RIT2: variants seen among roughly 807,000 people sequenced by gnomAD.
The protein encoded by RIT2 is GTP-binding protein Rit2.
A neutral mutation model predicts 23.7 loss-of-function variants in RIT2; 24 were observed. The ratio of observed to expected loss-of-function variants is 1.01; its 90% confidence interval spans 0.73 to 1.43. The LOEUF is 1.43. Among genes scored for constraint, RIT2 ranks in the 40% most tolerant of loss-of-function variants. The pLI, the probability that RIT2 is intolerant of heterozygous loss-of-function variation, is 0.00. For missense variants in RIT2, 236 were observed against 266.9 expected, an observed-to-expected ratio of 0.88 and a Z score of 0.81; for synonymous variants, 107 against 91.1, an observed-to-expected ratio of 1.17 and a Z score of -0.99.
At chr18:42,838,108 C>T (rs1906667279) in intron 4 of RIT2, among the ~76,000 whole-genome samples, 1 of 152,146 alleles carries the variant, frequency 6.6e-6, no homozygotes, top group African/African-American at 2.4e-5. Context: ...ATTACACATT[C>T]CACTGCACTA....
rs745407321 is a variant in RIT2, at chr18:42,923,615, AG to A, written c.382del (p.Leu128TrpfsTer22). 6.2e-7 allele frequency: 1 copy of A among 1,613,480 alleles called. No individual in the cohort carries two copies. Among genetic ancestry groups the A allele is most frequent in the South Asian group, 1.1e-5 (1 of 91,054 alleles). On this transcript the variant is annotated frameshift_variant, in exon 4 of 5. Coordinates refer to ENST00000326695, the MANE Select transcript of RIT2 (RefSeq NM_002930.4). LOFTEE classifies it high-confidence loss of function. ...ATCAATTTTGTTACCCACCAGCACC[AG>A]GGGAATTTCATAGGTGTGGCGGACC... ...FQVRHTYEIP[L>X]VLVGNKIDLE...
chr18:43,049,972 CTTTTTTTTT>C (rs755291383), intron 1 of RIT2, among the ~76,000 whole-genome samples: 34,347 of 66,428 alleles, frequency 0.52, 8,758 homozygotes, highest in Non-Finnish European at 0.6. Flanking sequence ...AAGGGATTTC[CTTTTTTTTT>C]TTTTTTTTTT....
At chr18:43,087,892 A>C (rs1913324016) in intron 1 of RIT2, among the ~76,000 whole-genome samples, 1 of 152,220 alleles carries the variant, frequency 6.6e-6, no homozygotes, top group Non-Finnish European at 1.5e-5. Context: ...CGATACATGT[A>C]GAAGCCAAAG....
intron 3 of RIT2, among the ~76,000 whole-genome samples, chr18:42,933,081 T>C (rs1343325958): frequency 7.2e-5 from 11 of 152,172 alleles, no homozygotes; most frequent in Admixed American, 6.6e-4. Flanking sequence ...TATTGCTTGG[T>C]AGATTTTTAA....
At chr18:42,778,107 C>G (rs567991929) in intron 4 of RIT2, among the ~76,000 whole-genome samples, 1 of 151,858 alleles carries the variant, frequency 6.6e-6, no homozygotes, top group East Asian at 1.9e-4. Flanking sequence ...GGCTGCTGTG[C>G]TTTTAGAGCA....
intron 1 of RIT2, among the ~76,000 whole-genome samples, chr18:43,108,007 CAA>C (rs5824469): frequency 0.17 from 23,783 of 136,250 alleles, 2,211 homozygotes; most frequent in Non-Finnish European, 0.21. Flanking sequence ...ACTAAAAATA[CAA>C]AAAAAAAAAA....
At chr18:42,933,971 T>A (rs1235004657) in intron 3 of RIT2, among the ~76,000 whole-genome samples, 1 of 137,354 alleles carries the variant, frequency 7.3e-6, no homozygotes, top group Non-Finnish European at 1.5e-5. Flanking sequence ...TGAGCCGAGA[T>A]CACACCACTG....
chr18:42,926,894 T>C (rs1289611437), intron 3 of RIT2, among the ~76,000 whole-genome samples: 2 of 151,900 alleles, frequency 1.3e-5, no homozygotes, highest in Non-Finnish European at 2.9e-5. Context: ...GTACATGACC[T>C]CTAGGACTGT....
intron 4 of RIT2, among the ~76,000 whole-genome samples, chr18:42,882,370 A>G (rs570558793): frequency 6.6e-6 from 1 of 152,266 alleles, no homozygotes; most frequent in East Asian, 1.9e-4. Flanking sequence ...CATGTTTTCT[A>G]CTTAAAAATA....
chr18:43,113,548 A>T (rs1914000523), intron 1 of RIT2, among the ~76,000 whole-genome samples: 1 of 152,204 alleles, frequency 6.6e-6, no homozygotes, highest in Admixed American at 6.5e-5. Flanking sequence ...AGTCATTGGA[A>T]CAGTAACAAT....
At chr18:42,932,973 T>G (rs183282022) in intron 3 of RIT2, among the ~76,000 whole-genome samples, 1 of 152,302 alleles carries the variant, frequency 6.6e-6, no homozygotes, top group Non-Finnish European at 1.5e-5. Context: ...TATTTTCTTT[T>G]TATTCAAGGA....
At chr18:43,040,851 A>G (rs1351072143) in intron 1 of RIT2, among the ~76,000 whole-genome samples, 1 of 152,174 alleles carries the variant, frequency 6.6e-6, no homozygotes, top group African/African-American at 2.4e-5. Context: ...GAAAAAAATA[A>G]CTTTGGCTTT....
rs376312098 is a variant in RIT2, at chr18:43,023,796, AAGAAT to A, written c.160+10010_160+10014del. Among the ~76,000 whole-genome samples, 244 of 152,216 alleles carry A rather than the reference AAGAAT, an allele frequency of 1.6e-3. 3 individuals are homozygous for A. The highest frequency in any genetic ancestry group is 5.0e-3 in the African/African-American group (209 of 41,552). On this transcript the variant is annotated intron_variant, in intron 2 of 4. Coordinates refer to ENST00000326695, the MANE Select transcript of RIT2 (RefSeq NM_002930.4). ...AGAAGGTAAAATGTGCTTTGAGAAA[AAGAAT>A]AGAAGAGAGTGAGTGTATTCTGGAG...
chr18:43,021,262 T>A (rs1911591088), intron 2 of RIT2, among the ~76,000 whole-genome samples: 1 of 152,068 alleles, frequency 6.6e-6, no homozygotes, highest in Admixed American at 6.6e-5. Context: ...CACGCAAATG[T>A]CCAAGAAGTA....
At chr18:42,753,520 T>C (rs1285303414) in intron 4 of RIT2, among the ~76,000 whole-genome samples, 1 of 152,212 alleles carries the variant, frequency 6.6e-6, no homozygotes, top group Non-Finnish European at 1.5e-5. Flanking sequence ...AAATGCTTAG[T>C]GCATACAGCA....
chr18:42,931,017 T>C (rs976084498), intron 3 of RIT2, among the ~76,000 whole-genome samples: 6 of 152,132 alleles, frequency 3.9e-5, no homozygotes, highest in African/African-American at 1.4e-4. Flanking sequence ...AGTACTGAAC[T>C]GTCCTCAGAT....
At position 43,105,013 on chromosome 18, in the gene RIT2, T is replaced by G. The variant is rs191949509; in HGVS notation, c.103+10404A>C. On this transcript the variant is annotated intron_variant, in intron 1 of 4. Transcript: ENST00000326695. ...GGATTCAAGCAGAGGCATGCTCTGT[T>G]AAAAGCCATAGCCCCTCTAATCAGG... 3.5e-3 allele frequency among the ~76,000 whole-genome samples: 537 copies of G among 152,138 alleles called. 3 individuals are homozygous for G. The highest frequency in any genetic ancestry group is 0.011 in the African/African-American group (453 of 41,490).
At chr18:42,931,675 A>G (rs1208109023) in intron 3 of RIT2, among the ~76,000 whole-genome samples, 7 of 152,090 alleles carry the variant, frequency 4.6e-5, no homozygotes, top group Non-Finnish European at 1.0e-4. Context: ...TTTATCCTGG[A>G]GGTCACTCAT....
At chr18:42,855,040 G>A (rs779891683) in intron 4 of RIT2, among the ~76,000 whole-genome samples, 1 of 152,102 alleles carries the variant, frequency 6.6e-6, no homozygotes, top group Non-Finnish European at 1.5e-5. Context: ...AAAATTTAGG[G>A]AGAGTCAACA....
Sources: gnomAD v4.1 joint callset for allele counts (sites outside exome capture counted in the v4.1 genomes callset) on GRCh38, gnomAD v4.1.1 for gene constraint, MANE v1.5 for transcripts, NCBI Gene and HGNC (gene_info 2026-07-23, HGNC 2026-07-21) for gene names.